Variants in NRXN3 observed in about 807,000 individuals in gnomAD.
The protein encoded by NRXN3 is neurexin 3.
A neutral mutation model predicts 137.6 loss-of-function variants in NRXN3; 32 were observed. That is an observed-to-expected ratio of 0.23 (90% CI 0.18 to 0.31). The LOEUF (loss-of-function observed/expected upper bound fraction) is 0.31. NRXN3 is among the 10% of genes least tolerant of loss of function. The pLI is 1.00. For missense variants in NRXN3, 1,574 were observed against 2,062.5 expected (o/e 0.76, Z 4.59); for synonymous variants, 798 against 784.5 (o/e 1.02, Z -0.29).
At chr14:78,443,112 C>T (rs1045116671) in intron 4 of NRXN3, among the ~76,000 whole-genome samples, 30 of 152,152 alleles carry the variant, frequency 2.0e-4, no homozygotes, top group Non-Finnish European at 3.7e-4. Flanking sequence ...TTATGAGACC[C>T]AGTAGGTCAA....
intron 20 of NRXN3, among the ~76,000 whole-genome samples, chr14:79,816,918 A>C (rs2099253212): frequency 6.6e-6 from 1 of 152,224 alleles, no homozygotes; most frequent in Non-Finnish European, 1.5e-5. Flanking sequence ...TGCTCTGTAA[A>C]AGAGTTTGAG....
At chr14:79,232,421 C>CAGA (rs1294468803) in intron 15 of NRXN3, among the ~76,000 whole-genome samples, 1 of 152,158 alleles carries the variant, frequency 6.6e-6, no homozygotes, top group Non-Finnish European at 1.5e-5. Flanking sequence ...GTATTCAAAA[C>CAGA]AGAACCTCAT....
intron 10 of NRXN3, among the ~76,000 whole-genome samples, chr14:78,946,075 A>G (rs941181183): frequency 1.3e-5 from 2 of 152,240 alleles, no homozygotes; most frequent in Non-Finnish European, 2.9e-5. Context: ...GTCAAAAATA[A>G]TGTAATCAAC....
intron 16 of NRXN3, among the ~76,000 whole-genome samples, chr14:79,507,436 C>A (rs184431124): frequency 1.3e-5 from 2 of 152,100 alleles, no homozygotes; most frequent in Admixed American, 6.6e-5. Context: ...ACAAACAAAA[C>A]AAATTATTGA....
intron 19 of NRXN3, among the ~76,000 whole-genome samples, chr14:79,771,607 G>C (rs1201783019): frequency 3.5e-5 from 5 of 144,740 alleles, no homozygotes; most frequent in Non-Finnish European, 7.5e-5. Flanking sequence ...AATAAATTAG[G>C]TATTGATGGG....
chr14:79,338,597 A>T (rs1005001538), intron 15 of NRXN3, among the ~76,000 whole-genome samples: 2 of 152,134 alleles, frequency 1.3e-5, no homozygotes, highest in African/African-American at 4.8e-5. Context: ...TTAAAATGGG[A>T]ATAAAGTAGT....
At chr14:79,131,956 C>G (rs898636614) in intron 15 of NRXN3, among the ~76,000 whole-genome samples, 4 of 152,266 alleles carry the variant, frequency 2.6e-5, no homozygotes, top group African/African-American at 9.6e-5. Flanking sequence ...TGCTGTCTGT[C>G]ACCCCTTTCT....
intron 4 of NRXN3, among the ~76,000 whole-genome samples, chr14:78,528,966 T>C (rs1434277370): frequency 6.6e-6 from 1 of 152,194 alleles, no homozygotes; most frequent in Non-Finnish European, 1.5e-5. Context: ...CTAGGTTGTT[T>C]ACCAGTCATA....
At chr14:78,358,018 C>G (rs1437043345) in intron 4 of NRXN3, among the ~76,000 whole-genome samples, 1 of 152,176 alleles carries the variant, frequency 6.6e-6, no homozygotes, top group African/African-American at 2.4e-5. Flanking sequence ...GCTCAGTTCT[C>G]AAGTCAGGTG....
intron 19 of NRXN3, among the ~76,000 whole-genome samples, chr14:79,784,614 CTTTTT>C (rs540234381): frequency 2.6e-5 from 2 of 76,622 alleles, no homozygotes; most frequent in Non-Finnish European, 5.1e-5. Flanking sequence ...TGTTGTGTTG[CTTTTT>C]TTTTTTTTTT....
chr14:78,715,824 C>T (rs114930064), intron 8 of NRXN3, among the ~76,000 whole-genome samples: 239 of 151,766 alleles, frequency 1.6e-3, no homozygotes, highest in African/African-American at 5.6e-3. Context: ...AATAGGTTCT[C>T]GAGCATTTAA....
In NRXN3 at chr14:78,966,105, G is replaced by A. The variant is rs775846260; in HGVS notation, c.2476G>A (p.Val826Ile). 4.9e-5 allele frequency: 79 copies of A among 1,613,972 alleles called. No homozygotes were observed. Among genetic ancestry groups the A allele is most frequent in the Middle Eastern group, 1.6e-4 (1 of 6,084 alleles). The change falls in exon 12 of 21, where the codon GTT becomes ATT. Residue 826 changes from valine (V) to isoleucine (I), a missense_variant. Around this residue, in one of 5 missense-constraint regions of NRXN3, gnomAD observed 718 missense variants for 887.6 expected, o/e 0.81. Transcript: ENST00000335750. ...GIMTEKRYIS[V>I]VPSSFIGHLQ... ...CATGACTGAGAAACGCTACATCTCC[G>A]TTGTCCCCTCCAGCTTTATTGGCCA... is the stretch of plus-strand genomic sequence containing the variant.
chr14:78,978,636 C>G (rs2099478421), intron 14 of NRXN3, among the ~76,000 whole-genome samples: 1 of 150,520 alleles, frequency 6.6e-6, no homozygotes, highest in Admixed American at 6.7e-5. Context: ...TCCTTATTAT[C>G]AGGAATACCC....
Position 79,769,061 on chromosome 14 carries a change from G to C in NRXN3, c.4015-36051G>C, listed in dbSNP as rs1409795452. Reference sequence around the variant, plus strand: ...AAATGAATGAAATGAAGTGAGAAGGGAAGTTTAGAGAAAAAAGAATAAAAG... The same window carrying C: ...AAATGAATGAAATGAAGTGAGAAGGCAAGTTTAGAGAAAAAAGAATAAAAG... On this transcript the variant is annotated intron_variant, in intron 19 of 20. Coordinates refer to ENST00000335750, the MANE Select transcript of NRXN3 (RefSeq NM_001330195.2). Among the ~76,000 whole-genome samples the C allele has an allele frequency of 1.3e-5, 2 of 151,900 alleles. 1 individual carries two copies. Among genetic ancestry groups the C allele is most frequent in the East Asian group, 3.9e-4 (2 of 5,186 alleles).
rs184250674 is a variant in NRXN3, at chr14:79,475,254, G to A, written c.3444+7852G>A. ...ACAATAATGCAATCATAAAAATCAAGCTGACAAAGTGTGTGGAAAATAGGT... is the reference window on the plus strand; with the variant it reads ...ACAATAATGCAATCATAAAAATCAAACTGACAAAGTGTGTGGAAAATAGGT... On this transcript the variant is annotated intron_variant, in intron 16 of 20. Coordinates refer to ENST00000335750, the MANE Select transcript of NRXN3 (RefSeq NM_001330195.2). Among the ~76,000 whole-genome samples, 7 of 152,218 alleles carry A rather than the reference G, an allele frequency of 4.6e-5. No homozygotes were observed. In the East Asian group the frequency reaches 5.8e-4, roughly 13 times the overall value.
chr14:79,754,503 GATATATATATATATATATAT>G (rs57962525), intron 19 of NRXN3, among the ~76,000 whole-genome samples: 2,712 of 44,130 alleles, frequency 0.061, 166 homozygotes, highest in Admixed American at 0.13. Context: ...ACTCTCTCTT[GATATATATATATATATATAT>G]ATATATATAT....
chr14:78,581,749 T>C (rs568158989), intron 4 of NRXN3, among the ~76,000 whole-genome samples: 2 of 152,320 alleles, frequency 1.3e-5, no homozygotes, highest in East Asian at 1.9e-4. Flanking sequence ...CATACATACA[T>C]TGAAAATGTA....
At chr14:78,975,900 A>G (rs1354655466) in intron 14 of NRXN3, among the ~76,000 whole-genome samples, 1 of 152,178 alleles carries the variant, frequency 6.6e-6, no homozygotes, top group Non-Finnish European at 1.5e-5. Flanking sequence ...CAGAATCTAC[A>G]TCTCTCTAGG....
At chr14:79,470,973 TG>T (rs2096498345) in intron 16 of NRXN3, among the ~76,000 whole-genome samples, 1 of 150,100 alleles carries the variant, frequency 6.7e-6, no homozygotes, top group Non-Finnish European at 1.5e-5. Flanking sequence ...TGTGTGTGTG[TG>T]TGTGTGTGTG....
Sources: gnomAD v4.1 joint callset for allele counts (sites outside exome capture counted in the v4.1 genomes callset) on GRCh38, gnomAD v4.1.1 for gene constraint, gnomAD v4.1.1 regional missense constraint, MANE v1.5 for transcripts, NCBI Gene and HGNC (gene_info 2026-07-23, HGNC 2026-07-21) for gene names.